Variants in TG observed in about 807,000 individuals in gnomAD.
The protein encoded by TG is thyroid hormones.
Under a neutral mutation model 324.7 loss-of-function variants are expected in TG, and 270 were observed. The ratio of observed to expected loss-of-function variants is 0.83; its 90% CI spans 0.75 to 0.92. The LOEUF (loss-of-function observed/expected upper bound fraction) is 0.92, where lower values mean the gene tolerates loss of function less well. TG is among the 40% of genes least tolerant of loss of function. TG has a pLI of 0.00. For synonymous variants in TG, 1,401 were observed against 1,327.0 expected, an observed-to-expected ratio of 1.06 and a Z score of -1.21; for missense variants, 3,591 against 3,456.4, an observed-to-expected ratio of 1.04 and a Z score of -0.98.
At chr8:133,113,652 GCA>G in intron 44 of TG, 49 bp downstream of exon 44, 1 of 1,595,794 alleles carries the variant, frequency 6.3e-7, no homozygotes, top group Non-Finnish European at 8.6e-7. Context: ...ATGTTTTGGA[GCA>G]GACTCAGTTG....
In TG at chr8:132,887,110, T is replaced by C; in HGVS notation, c.1738T>C (p.Phe580Leu). The C allele has an allele frequency of 1.2e-6, 2 of 1,614,226 alleles. No homozygotes were observed. Among genetic ancestry groups the C allele is most frequent in the Non-Finnish European group, 1.7e-6 (2 of 1,180,028 alleles). ...SLLELPEFLL[F>L]LQHAISVPED... ...CCTGGAGCTTCCAGAATTCCTTCTCTTCTTGCAACATGCTATCTCTGTGCC... is the reference window on the plus strand; with the variant it reads ...CCTGGAGCTTCCAGAATTCCTTCTCCTCTTGCAACATGCTATCTCTGTGCC... Residue 580 changes from phenylalanine (F) to leucine (L), a missense_variant, in exon 9 of 48, where the codon TTC (phenylalanine) becomes CTC (leucine). Physicochemically the swap from Phe to Leu is conservative, Grantham distance 22. Coordinates refer to ENST00000220616, the MANE Select transcript of TG (RefSeq NM_003235.5).
At chr8:132,945,210 G>A (rs1825067630) in intron 26 of TG, among the ~76,000 whole-genome samples, 1 of 152,186 alleles carries the variant, frequency 6.6e-6, no homozygotes, top group Admixed American at 6.5e-5. Flanking sequence ...GTTAGAAACT[G>A]TCGCAGTAGT....
intron 43 of TG, chr8:133,102,491 C>G: frequency 1.3e-6 from 2 of 1,488,228 alleles, no homozygotes; most frequent in Non-Finnish European, 1.8e-6. Flanking sequence ...CCCCCACATA[C>G]CACCCCAGGC....
intron 43 of TG, chr8:133,102,478 C>T: frequency 7.4e-7 from 1 of 1,353,956 alleles, no homozygotes; most frequent in Non-Finnish European, 1.0e-6. Context: ...CTCTGAAGAC[C>T]CTCCCCCACA....
chr8:132,933,434 T>TTGTG (rs370957018), intron 23 of TG, 127 bp from the exon 24 acceptor site: 103,966 of 675,160 alleles, frequency 0.15, 2,131 homozygotes, highest in East Asian at 0.19. Flanking sequence ...ATCTGCATAT[T>TTGTG]TGTGTGTGTG....
intron 41 of TG, chr8:133,040,234 A>G (rs1352330586): frequency 5.5e-6 from 7 of 1,276,422 alleles, no homozygotes; most frequent in African/African-American, 1.5e-5. Context: ...GGCTGCTGCC[A>G]TGGGGAACTG....
At chr8:133,003,410 AT>A (rs568961549) in intron 35 of TG, among the ~76,000 whole-genome samples, 7,279 of 138,670 alleles carry the variant, frequency 0.052, 269 homozygotes, top group African/African-American at 0.12. Context: ...TCGGATACTT[AT>A]TTTTTTTTTT....
At chr8:132,964,551 C>A (rs146914227) in intron 29 of TG, 383 of 244,836 alleles carry the variant, frequency 1.6e-3, no homozygotes, top group African/African-American at 8.4e-3. Context: ...CAGGTTACTC[C>A]CATCAGTCTG....
At chr8:132,973,075 A>G (rs1829748691) in intron 34 of TG, among the ~76,000 whole-genome samples, 1 of 152,170 alleles carries the variant, frequency 6.6e-6, no homozygotes, top group African/African-American at 2.4e-5. Context: ...TTCAACCTTT[A>G]AATTCAAGGA....
chr8:133,030,525 G>A (rs1456738078), intron 41 of TG, among the ~76,000 whole-genome samples: 2 of 152,186 alleles, frequency 1.3e-5, no homozygotes, highest in South Asian at 2.1e-4. Flanking sequence ...CACTGCATAC[G>A]CCCTGGTATT....
chr8:132,897,879 C>T, intron 12 of TG, 93 bp downstream of exon 12: 1 of 1,457,424 alleles, frequency 6.9e-7, no homozygotes, highest in Non-Finnish European at 9.5e-7. Flanking sequence ...GTGAGCTGGA[C>T]TCTTAGGCTC....
Position 133,077,735 on chromosome 8 carries a change from A to ATGTGTGTG in TG, c.7240-17285_7240-17278dup, listed in dbSNP as rs34749093. Among the ~76,000 whole-genome samples the ATGTGTGTG allele has an allele frequency of 1.9e-3, 279 of 148,174 alleles. 1 individual carries two copies. The East Asian group carries it at 0.024, about 13-fold the overall frequency. On this transcript the variant is annotated intron_variant, in intron 41 of 47. Coordinates refer to ENST00000220616, the MANE Select transcript of TG (RefSeq NM_003235.5). ...TGGATCAGGGCATTCTCTGGTGTGT[A>ATGTGTGTG]TGTGTGTGTGTGTGTGTGTGTGTGT...
Position 132,883,880 on chromosome 8 carries a change from C to G in TG, c.1075+881C>G, listed in dbSNP as rs140336280. ...TGAGAGCAACTGAAATGTATTGTCTCTGTTCTGGAGGTTGGAAGTCCAAAA... is the reference window on the plus strand; with the variant it reads ...TGAGAGCAACTGAAATGTATTGTCTGTGTTCTGGAGGTTGGAAGTCCAAAA... On this transcript the variant is annotated intron_variant, in intron 8 of 47. Coordinates refer to ENST00000220616, the MANE Select transcript of TG (RefSeq NM_003235.5). Among the ~76,000 whole-genome samples the G allele has an allele frequency of 4.3e-3, 659 of 152,324 alleles. 10 individuals are homozygous for G. The highest frequency in any genetic ancestry group is 0.015 in the African/African-American group (620 of 41,556).
Position 133,099,317 on chromosome 8 carries a change from A to C in TG, c.7572+2944A>C, listed in dbSNP as rs556971517. ...CTTCATTCATTCCCTTGGGACACGC[A>C]TTAGTGAAGCCACTGAGCAGCTTTT... On this transcript the variant is annotated intron_variant, in intron 43 of 47. Coordinates refer to ENST00000220616, the MANE Select transcript of TG (RefSeq NM_003235.5). Among the ~76,000 whole-genome samples the C allele has an allele frequency of 1.3e-4, 20 of 152,328 alleles. 1 individual carries two copies. The highest frequency in any genetic ancestry group is 1.2e-3 in the South Asian group (6 of 4,832).
At chr8:133,083,536 A>G (rs550677779) in intron 41 of TG, among the ~76,000 whole-genome samples, 1 of 152,284 alleles carries the variant, frequency 6.6e-6, no homozygotes, top group African/African-American at 2.4e-5. Context: ...CCCATGGCCT[A>G]TGCTCTTGAT....
intron 45 of TG, among the ~76,000 whole-genome samples, chr8:133,128,146 T>A (rs1416458342): frequency 6.6e-6 from 1 of 152,178 alleles, no homozygotes; most frequent in Non-Finnish European, 1.5e-5. Context: ...TTGATCGCAC[T>A]TTCTTGTTAG....
chr8:132,898,960 C>A, intron 14 of TG, 50 bp downstream of exon 14: 1 of 1,484,144 alleles, frequency 6.7e-7, no homozygotes, highest in South Asian at 1.2e-5. Flanking sequence ...CCCCGCTGGT[C>A]AGAGATGATT....
intron 32 of TG, among the ~76,000 whole-genome samples, 181 bp from the exon 33 acceptor site, chr8:132,971,613 C>T (rs539103061): frequency 8.5e-5 from 13 of 152,218 alleles, no homozygotes; most frequent in Non-Finnish European, 1.9e-4. Flanking sequence ...ATTTTGTTTT[C>T]AGAAAGAACC....
chr8:133,113,910 T>G (rs535381807), intron 44 of TG, among the ~76,000 whole-genome samples: 39 of 152,326 alleles, frequency 2.6e-4, no homozygotes, highest in African/African-American at 9.1e-4. Context: ...CAGAAGTGCC[T>G]GGTGCACGCT....
Sources: gnomAD v4.1 joint callset for allele counts (sites outside exome capture counted in the v4.1 genomes callset) on GRCh38, gnomAD v4.1.1 for gene constraint, MANE v1.5 for transcripts, NCBI Gene and HGNC (gene_info 2026-07-23, HGNC 2026-07-21) for gene names.